The following SMARCAD1 variants were observed in gnomAD, a reference collection of about 807,000 sequenced individuals.
The protein encoded by SMARCAD1 is SNF2 related chromatin remodeling ATPase with DExD box 1.
A neutral mutation model predicts 127.1 loss-of-function variants in SMARCAD1; 25 were observed. That is an observed-to-expected ratio of 0.20 (90% CI 0.14 to 0.27). The LOEUF is 0.27. Ranked by LOEUF, SMARCAD1 falls within the 10% of genes least tolerant of loss-of-function variation. SMARCAD1 has a pLI of 1.00. For synonymous variants in SMARCAD1, 400 were observed against 396.9 expected, an observed-to-expected ratio of 1.01 and a Z score of -0.09; for missense variants, 807 against 1,206.0, an observed-to-expected ratio of 0.67 and a Z score of 4.90.
chr4:94,226,396 T>C (rs954146453), intron 3 of SMARCAD1, 100 bp downstream of exon 3: 17 of 733,522 alleles, frequency 2.3e-5, no homozygotes, highest in Non-Finnish European at 3.2e-5. Context: ...CCCTTTTTTT[T>C]TTTTTCTTTT....
chr4:94,230,344 C>A (rs959096075), intron 3 of SMARCAD1, among the ~76,000 whole-genome samples: 6 of 150,690 alleles, frequency 4.0e-5, no homozygotes, highest in African/African-American at 1.2e-4. Flanking sequence ...TTCATTTGTT[C>A]TTTTATTTAC....
intron 9 of SMARCAD1, among the ~76,000 whole-genome samples, chr4:94,263,988 A>C (rs1346223091): frequency 6.6e-6 from 1 of 151,982 alleles, no homozygotes; most frequent in South Asian, 2.1e-4. Context: ...CCTTTTGAAA[A>C]ATAAATACAA....
At chr4:94,283,794 C>T (rs1314375699) in intron 22 of SMARCAD1, among the ~76,000 whole-genome samples, 1 of 151,928 alleles carries the variant, frequency 6.6e-6, no homozygotes. Context: ...CCACTGCACT[C>T]CAGCCTGGGC....
At chr4:94,265,106 A>G (rs138281372) in intron 10 of SMARCAD1, among the ~76,000 whole-genome samples, 200 bp downstream of exon 10, 17 of 151,952 alleles carry the variant, frequency 1.1e-4, no homozygotes, top group Non-Finnish European at 1.5e-4. Flanking sequence ...ATTTTATTCT[A>G]TCATATCATT....
intron 23 of SMARCAD1, among the ~76,000 whole-genome samples, chr4:94,285,326 G>A (rs974654199): frequency 7.9e-5 from 12 of 152,054 alleles, no homozygotes; most frequent in Non-Finnish European, 8.8e-5. Context: ...AAGAACAGAC[G>A]CCTCCTAGTC....
At chr4:94,238,640 A>G (rs1747089748) in intron 5 of SMARCAD1, among the ~76,000 whole-genome samples, 1 of 152,116 alleles carries the variant, frequency 6.6e-6, no homozygotes, top group African/African-American at 2.4e-5. Flanking sequence ...AAAGAAAGAA[A>G]AAACCTCCTG....
intron 3 of SMARCAD1, among the ~76,000 whole-genome samples, chr4:94,227,056 G>A (rs1745139790): frequency 2.0e-5 from 3 of 152,072 alleles, no homozygotes; most frequent in South Asian, 4.1e-4. Flanking sequence ...CCTCAATTGA[G>A]AAGACAGTGC....
chr4:94,242,029 T>C, intron 6 of SMARCAD1, among the ~76,000 whole-genome samples: 1 of 151,934 alleles, frequency 6.6e-6, no homozygotes, highest in Admixed American at 6.6e-5. Context: ...GATAACTTCT[T>C]TTTTTTTGTT....
intron 9 of SMARCAD1, chr4:94,253,349 T>C (rs923480228): frequency 1.1e-5 from 14 of 1,314,722 alleles, no homozygotes; most frequent in African/African-American, 1.5e-5. Context: ...TTCTGATCTG[T>C]TACTGCTGAG....
rs1204458549 is a variant in SMARCAD1 at position 94,291,017 on chromosome 4, G to A, written c.*1483G>A. The A allele has an allele frequency of 2.3e-6, 1 of 441,806 alleles. No homozygotes were observed. Among genetic ancestry groups the A allele is most frequent in the Non-Finnish European group, 4.5e-6 (1 of 221,624 alleles). 27.4% of individuals were successfully genotyped at this position (441,806 alleles called of 1,614,324 possible). ...GACTGAATATATTTTACCATTACAG[G>A]GCTAAAAGGAGTCTTCATGTGTTAA... On this transcript the variant is annotated 3_prime_UTR_variant, in exon 24 of 24. Transcript: ENST00000354268.
chr4:94,252,962 T>G lies in SMARCAD1; in HGVS notation c.1236T>G (p.Ala412=), dbSNP rs759025633. Residue 412 remains alanine (A), a synonymous_variant, in exon 9 of 24, where the codon GCT becomes GCG. Coordinates refer to ENST00000354268, the MANE Select transcript of SMARCAD1 (RefSeq NM_020159.5). ...TTCCTCAGTGTTCTCAGAAAAAGGC[T>G]CAGAAGATAACAGAACTCCGGCCCT... ...TLIPQCSQKK[A]QKITELRPFN... is the part of the protein sequence containing the mutation. The G allele has an allele frequency of 5.0e-6, 8 of 1,613,808 alleles. No individual in the cohort carries two copies. Among genetic ancestry groups the G allele is most frequent in the Non-Finnish European group, 5.9e-6 (7 of 1,180,016 alleles).
At chr4:94,245,790 C>G (rs189742364) in intron 6 of SMARCAD1, among the ~76,000 whole-genome samples, 14 of 152,248 alleles carry the variant, frequency 9.2e-5, no homozygotes, top group Admixed American at 8.5e-4. Context: ...AAGTTTTTGA[C>G]ATTGTATCTC....
chr4:94,276,259 AT>A (rs1484730623), intron 14 of SMARCAD1, 79 bp from the exon 15 acceptor site: 13 of 1,493,820 alleles, frequency 8.7e-6, no homozygotes, highest in Admixed American at 5.2e-5. Context: ...ATAAAAAATG[AT>A]TTTATAAGAC....
At chr4:94,247,780 T>C (rs904239723) in intron 6 of SMARCAD1, among the ~76,000 whole-genome samples, 1 of 152,240 alleles carries the variant, frequency 6.6e-6, no homozygotes. Context: ...TTATATAATA[T>C]GTAACCTTTT....
At position 94,289,554 on chromosome 4, in the gene SMARCAD1, C is replaced by T. The variant is rs367775203; in HGVS notation, c.*20C>T. Reference sequence around the variant, plus strand: ...CTGTGAAATAAGAACTGTGAACTCTCAATTGATGAGGAAATATCAACTTGG... The same window carrying T: ...CTGTGAAATAAGAACTGTGAACTCTTAATTGATGAGGAAATATCAACTTGG... On this transcript the variant is annotated 3_prime_UTR_variant, in exon 24 of 24. Transcript: ENST00000354268. The T allele has an allele frequency of 2.5e-6, 4 of 1,593,900 alleles. No homozygotes were observed. Among genetic ancestry groups the T allele is most frequent in the Non-Finnish European group, 3.4e-6 (4 of 1,161,952 alleles).
rs1754727972 is a variant in SMARCAD1 at position 94,285,013 on chromosome 4, T to C, written c.2963T>C (p.Leu988Pro). 6.2e-7 allele frequency: 1 copy of C among 1,613,374 alleles called. No homozygotes were observed. The highest frequency in any genetic ancestry group is 8.5e-7 in the Non-Finnish European group (1 of 1,179,572). ...ISQGTIEESM[L>P]KINQQKLKLE... ...CAAGGGACGATTGAAGAATCCATGCTAAAAATTAACCAACAGAAATTGAAA... is the reference window on the plus strand; with the variant it reads ...CAAGGGACGATTGAAGAATCCATGCCAAAAATTAACCAACAGAAATTGAAA... The change falls in exon 23 of 24, where the codon CTA (leucine) becomes CCA (proline). Residue 988 changes from leucine (L) to proline (P), a missense_variant. Physicochemically the swap from Leu to Pro is moderately conservative, Grantham distance 98. Coordinates refer to ENST00000354268, the MANE Select transcript of SMARCAD1 (RefSeq NM_020159.5).
chr4:94,249,407 G>A (rs1244029958), intron 6 of SMARCAD1, among the ~76,000 whole-genome samples: 2 of 151,934 alleles, frequency 1.3e-5, no homozygotes, highest in Non-Finnish European at 1.5e-5. Context: ...CTCATTTTAA[G>A]CACTGAGAAT....
chr4:94,276,640 CTT>C (rs1164818134), intron 15 of SMARCAD1, among the ~76,000 whole-genome samples, 166 bp downstream of exon 15: 1 of 152,174 alleles, frequency 6.6e-6, no homozygotes, highest in Non-Finnish European at 1.5e-5. Context: ...ATATTTCACA[CTT>C]TATGGACTAG....
rs200987324 is a variant in SMARCAD1 at position 94,280,553 on chromosome 4, T to A, written c.2419-39T>A. Reference sequence around the variant, plus strand: ...CTTTTCTCATCATATTATTAATTATTTTTATTTTGAAGTATACTGTGTTTT... The same window carrying A: ...CTTTTCTCATCATATTATTAATTATATTTATTTTGAAGTATACTGTGTTTT... On this transcript the variant is annotated intron_variant, in intron 19 of 23. Transcript: ENST00000354268. The A allele has an allele frequency of 1.1e-4, 167 of 1,547,682 alleles. No homozygotes were observed. In the Admixed American group the frequency reaches 2.7e-3, roughly 25 times the overall value.
Sources: gnomAD v4.1 joint callset for allele counts (sites outside exome capture counted in the v4.1 genomes callset) on GRCh38, gnomAD v4.1.1 for gene constraint, MANE v1.5 for transcripts, NCBI Gene and HGNC (gene_info 2026-07-23, HGNC 2026-07-21) for gene names.